CLPX: variants seen among roughly 807,000 people sequenced by gnomAD.
CLPX encodes the protein caseinolytic mitochondrial matrix peptidase chaperone subunit X.
Under a neutral mutation model 76.4 loss-of-function variants are expected in CLPX, and 34 were observed. The observed-to-expected ratio is 0.45, with a 90% CI of 0.34 to 0.59. The LOEUF is 0.59. Ranked by LOEUF, CLPX falls within the 20% of genes least tolerant of loss-of-function variation. The probability of loss-of-function intolerance (pLI) is 0.01; values close to 1 mark genes in which losing one functional copy is unlikely to be tolerated. For synonymous variants in CLPX, 248 were observed against 270.9 expected, an observed-to-expected ratio of 0.92 and a Z score of 0.83; for missense variants, 613 against 757.0, an observed-to-expected ratio of 0.81 and a Z score of 2.23.
In CLPX at chr15:65,148,671, C is replaced by A. The variant is rs1033275450; in HGVS notation, c.*2152G>T. On this transcript the variant is annotated 3_prime_UTR_variant, in exon 14 of 14. Coordinates refer to ENST00000300107, the MANE Select transcript of CLPX (RefSeq NM_006660.5). Reference sequence around the variant, plus strand: ...TCTTCATCAACAAGATTTAGAATTTCCTAATAGCTTTAGTTTTTCCCTAAA... The same window carrying A: ...TCTTCATCAACAAGATTTAGAATTTACTAATAGCTTTAGTTTTTCCCTAAA... 3 of 151,736 alleles carry A rather than the reference C, an allele frequency of 2.0e-5. No homozygotes were observed. The highest frequency in any genetic ancestry group is 6.6e-5 in the Admixed American group (1 of 15,212). The allele number at this position is 151,736 out of a possible 1,614,324, so 9.4% of individuals were successfully genotyped here. A position where few individuals can be genotyped will look rare whatever the true frequency, so the allele number is the denominator to read the frequency against.
chr15:65,165,290 C>CT (rs1051595386), intron 4 of CLPX, among the ~76,000 whole-genome samples: 1 of 151,698 alleles, frequency 6.6e-6, no homozygotes, highest in African/African-American at 2.4e-5. Flanking sequence ...GAGTGTGCCA[C>CT]TGCACTCCAG....
intron 12 of CLPX, 38 bp downstream of exon 12, chr15:65,153,509 C>A: frequency 7.9e-7 from 1 of 1,265,616 alleles, no homozygotes; most frequent in South Asian, 1.3e-5. Flanking sequence ...AAACTCAGAC[C>A]AAGAAATAAT....
At position 65,156,873 on chromosome 15, in the gene CLPX, G is replaced by A. The variant is rs759705385; in HGVS notation, c.1117C>T (p.Arg373Trp). Residue 373 changes from arginine to tryptophan, a missense_variant, in exon 9 of 14, where the codon CGG (arginine) becomes TGG (tryptophan). This residue lies in a region of CLPX where 450 missense variants were observed against 638.6 expected (regional missense o/e 0.70). Coordinates refer to ENST00000300107, the MANE Select transcript of CLPX (RefSeq NM_006660.5). ...IGSVPGIHQL[R>W]DVGGEGVQQG... ...TGAACGCCTTCTCCACCTACATCCC[G>A]TAATTGATGAATGCCTGGCACACTG... 7 of 1,613,142 alleles carry A rather than the reference G, an allele frequency of 4.3e-6. No individual in the cohort carries two copies. Among genetic ancestry groups the A allele is most frequent in the Non-Finnish European group, 5.9e-6 (7 of 1,179,482 alleles).
At chr15:65,175,253 A>G (rs2088074216) in intron 3 of CLPX, among the ~76,000 whole-genome samples, 1 of 152,216 alleles carries the variant, frequency 6.6e-6, no homozygotes. Context: ...TGGGAGGCCA[A>G]GGCAGGTGAA....
At chr15:65,169,439 CG>C (rs1316869494) in intron 3 of CLPX, among the ~76,000 whole-genome samples, 6 of 151,478 alleles carry the variant, frequency 4.0e-5, no homozygotes, top group Non-Finnish European at 5.9e-5. Flanking sequence ...AGGATGTTGG[CG>C]GGGCACAGTG....
At chr15:65,157,358 G>A (rs2087803079) in intron 8 of CLPX, among the ~76,000 whole-genome samples, 1 of 152,156 alleles carries the variant, frequency 6.6e-6, no homozygotes, top group African/African-American at 2.4e-5. Context: ...AAGGAGCAAC[G>A]CAGCATCCAT....
intron 3 of CLPX, among the ~76,000 whole-genome samples, chr15:65,169,747 G>A (rs902578581): frequency 6.6e-6 from 1 of 151,588 alleles, no homozygotes; most frequent in Admixed American, 6.6e-5. Context: ...GTAGATATAT[G>A]GATATATTTA....
rs567363047 is a variant in CLPX at position 65,158,812 on chromosome 15, C to A, written c.716-61G>T. The A allele has an allele frequency of 1.3e-4, 173 of 1,375,222 alleles. No individual in the cohort carries two copies. In the South Asian group the frequency reaches 2.3e-3, roughly 19 times the overall value. The allele number at this position is 1,375,222 out of a possible 1,614,324, so 85.2% of individuals were successfully genotyped here. A position where few individuals can be genotyped will look rare whatever the true frequency, so the allele number is the denominator to read the frequency against. ...TTTGAATTTACTTGAAGAAAATGTCCCATAAAAACTTTTATCTAAAACTAA... is the reference window on the plus strand; with the variant it reads ...TTTGAATTTACTTGAAGAAAATGTCACATAAAAACTTTTATCTAAAACTAA... On this transcript the variant is annotated intron_variant, in intron 6 of 13. Transcript: ENST00000300107.
chr15:65,182,059 G>C (rs1402083144), intron 1 of CLPX, among the ~76,000 whole-genome samples: 1 of 150,254 alleles, frequency 6.7e-6, no homozygotes, highest in African/African-American at 2.5e-5. Flanking sequence ...GGAAGCAGAG[G>C]TTGCAGTGAA....
At chr15:65,178,409 G>T (rs1368828873) in intron 3 of CLPX, among the ~76,000 whole-genome samples, 2 of 152,118 alleles carry the variant, frequency 1.3e-5, no homozygotes, top group East Asian at 3.8e-4. Context: ...ACAGTGCAAA[G>T]TATTACCAGT....
At chr15:65,167,844 C>T (rs2087938307) in intron 3 of CLPX, among the ~76,000 whole-genome samples, 2 of 151,528 alleles carry the variant, frequency 1.3e-5, no homozygotes, top group South Asian at 4.2e-4. Context: ...GCTGAGATTG[C>T]GCCATTGCAC....
intron 3 of CLPX, among the ~76,000 whole-genome samples, chr15:65,167,321 C>T (rs887738105): frequency 4.0e-5 from 6 of 151,162 alleles, no homozygotes; most frequent in East Asian, 1.9e-4. Context: ...TGCCCGTCTC[C>T]GCCTCCCAAA....
rs896733082 is a variant in CLPX at position 65,148,954 on chromosome 15, A to C, written c.*1869T>G. ...TTAGCTTTGCTGTATAATGAAGGTT[A>C]GTAACTTATATGTTAGTGTGAACAC... On this transcript the variant is annotated 3_prime_UTR_variant, in exon 14 of 14. Coordinates refer to ENST00000300107, the MANE Select transcript of CLPX (RefSeq NM_006660.5). 6.6e-6 allele frequency: 1 copy of C among 152,260 alleles called. No homozygotes were observed. Among genetic ancestry groups the C allele is most frequent in the Non-Finnish European group, 1.5e-5 (1 of 68,048 alleles). The allele number at this position is 152,260 out of a possible 1,614,324, so 9.4% of individuals were successfully genotyped here. A position where few individuals can be genotyped will look rare whatever the true frequency, so the allele number is the denominator to read the frequency against.
Position 65,185,074 on chromosome 15 carries a change from C to A in CLPX, c.79+1G>T. ...GCTCAGGAGTGGCACTATTTCGTTACCTCTCTGCGCGGAGGCGAGTGAGGA... is the reference window on the plus strand; with the variant it reads ...GCTCAGGAGTGGCACTATTTCGTTAACTCTCTGCGCGGAGGCGAGTGAGGA... On this transcript the variant is annotated splice_donor_variant, in intron 1 of 13. Transcript: ENST00000300107. LOFTEE classifies it high-confidence loss of function. 1.3e-6 allele frequency: 2 copies of A among 1,572,580 alleles called. No individual in the cohort carries two copies. The highest frequency in any genetic ancestry group is 1.9e-5 in the Admixed American group (1 of 52,576).
chr15:65,164,508 T>C (rs185939875), intron 4 of CLPX, among the ~76,000 whole-genome samples: 10 of 152,172 alleles, frequency 6.6e-5, no homozygotes, highest in Non-Finnish European at 1.5e-4. Flanking sequence ...TTAGAATACA[T>C]ACACATGCCA....
In CLPX at chr15:65,148,228, G is replaced by A. The variant is rs1287122074; in HGVS notation, c.*2595C>T. On this transcript the variant is annotated 3_prime_UTR_variant, in exon 14 of 14. Coordinates refer to ENST00000300107, the MANE Select transcript of CLPX (RefSeq NM_006660.5). Reference sequence around the variant, plus strand: ...ACACCACCACGTTGGCTTTCATTTAGTCTTTTTGTTTTATTCAAATGTCAA... The same window carrying A: ...ACACCACCACGTTGGCTTTCATTTAATCTTTTTGTTTTATTCAAATGTCAA... 1 of 152,198 alleles carries A rather than the reference G, an allele frequency of 6.6e-6. No individual in the cohort carries two copies. The highest frequency in any genetic ancestry group is 1.5e-5 in the Non-Finnish European group (1 of 68,030). 9.4% of individuals were successfully genotyped at this position (152,198 alleles called of 1,614,324 possible).
intron 1 of CLPX, among the ~76,000 whole-genome samples, chr15:65,182,836 A>C (rs183117102): frequency 6.6e-6 from 1 of 152,188 alleles, no homozygotes; most frequent in African/African-American, 2.4e-5. Context: ...CATACAGACA[A>C]AGCTTTCTAA....
At chr15:65,171,050 T>C (rs1287009112) in intron 3 of CLPX, among the ~76,000 whole-genome samples, 1 of 151,862 alleles carries the variant, frequency 6.6e-6, no homozygotes, top group African/African-American at 2.4e-5. Flanking sequence ...CTCGATCTTC[T>C]GACCTCATGA....
At position 65,178,922 on chromosome 15, in the gene CLPX, T is replaced by C. The variant is rs1440372897; in HGVS notation, c.358+12A>G. The C allele has an allele frequency of 1.4e-6, 2 of 1,410,028 alleles. No homozygotes were observed. Among genetic ancestry groups the C allele is most frequent in the Admixed American group, 1.9e-5 (1 of 53,328 alleles). The allele number at this position is 1,410,028 out of a possible 1,614,324, so 87.3% of individuals were successfully genotyped here. ...GTAGGGAAAAAAGAACAGTAGAAGA[T>C]GTAATACTTACATACAAAGGTCTCT... On this transcript the variant is annotated intron_variant, in intron 3 of 13. Coordinates refer to ENST00000300107, the MANE Select transcript of CLPX (RefSeq NM_006660.5).
Sources: allele counts gnomAD v4.1 joint callset (sites outside exome capture counted in the v4.1 genomes callset), GRCh38; gene constraint gnomAD v4.1.1; regional missense constraint gnomAD v4.1.1; transcripts MANE v1.5; gene names NCBI Gene and HGNC (gene_info 2026-07-23, HGNC 2026-07-21).